The following PEX3 variants were observed in gnomAD, a reference collection of about 807,000 sequenced individuals.
PEX3 encodes peroxisomal biogenesis factor 3.
PEX3 carries 30 observed loss-of-function variants against 55.8 expected under a neutral mutation model. The observed-to-expected ratio is 0.54, with a 90% CI of 0.40 to 0.73. The LOEUF is 0.73. Ranked by LOEUF, PEX3 falls within the 30% of genes least tolerant of loss-of-function variation. The pLI is 0.00. For missense variants in PEX3, 351 were observed against 432.8 expected (o/e 0.81, Z 1.68); for synonymous variants, 135 against 148.4 (o/e 0.91, Z 0.66).
chr6:143,469,550 A>G (rs1400905940), intron 4 of PEX3, among the ~76,000 whole-genome samples: 1 of 152,068 alleles, frequency 6.6e-6, no homozygotes, highest in African/African-American at 2.4e-5. Context: ...AAATTTGTTT[A>G]AGTTCTTTGT....
chr6:143,466,869 G>A lies in PEX3; in HGVS notation c.288-1253G>A, dbSNP rs1027412411. On this transcript the variant is annotated intron_variant, in intron 3 of 11. Coordinates refer to ENST00000367591, the MANE Select transcript of PEX3 (RefSeq NM_003630.3). The surrounding 1 kb of genome is among the most constrained non-coding windows in gnomAD (Gnocchi z 5.4). ...ATGAAGAAGGGAGAAAATGAAGGGG[G>A]TTAGGAACAGACTTTTTTGAATATA... Among the ~76,000 whole-genome samples, 1 of 151,816 alleles carries A rather than the reference G, an allele frequency of 6.6e-6. No individual in the cohort carries two copies. Among genetic ancestry groups the A allele is most frequent in the African/African-American group, 2.4e-5 (1 of 41,366 alleles).
intron 2 of PEX3, among the ~76,000 whole-genome samples, chr6:143,461,346 T>G (rs1173883032): frequency 6.6e-6 from 1 of 152,146 alleles, no homozygotes. Context: ...CAGCAAAAGA[T>G]AGGGGTCACA....
chr6:143,460,589 G>T (rs1247109935), intron 2 of PEX3, among the ~76,000 whole-genome samples: 1 of 152,156 alleles, frequency 6.6e-6, no homozygotes, highest in Admixed American at 6.5e-5. Context: ...AATGGGCCAG[G>T]CATGGTGGCT....
chr6:143,474,883 A>G lies in PEX3; in HGVS notation c.818+27A>G, dbSNP rs780952115. 3 of 1,197,238 alleles carry G rather than the reference A, an allele frequency of 2.5e-6. No individual in the cohort carries two copies. The East Asian group carries it at 7.0e-5, about 28-fold the overall frequency. The allele number at this position is 1,197,238 out of a possible 1,614,324, so 74.2% of individuals were successfully genotyped here. ...TATGTATACTTCATGTAGCAGGAAA[A>G]ATATGTGTGTATGTTGAATGTACTT... On this transcript the variant is annotated intron_variant, in intron 9 of 11. Transcript: ENST00000367591.
chr6:143,472,066 CA>C, intron 7 of PEX3, 93 bp from the exon 8 acceptor site: 7 of 873,456 alleles, frequency 8.0e-6, no homozygotes, highest in Non-Finnish European at 1.1e-5. Flanking sequence ...GCAGAAGAAA[CA>C]GGATTTTAGA....
Position 143,450,851 on chromosome 6 carries a change from G to T in PEX3, c.-192G>T. On this transcript the variant is annotated 5_prime_UTR_variant, in exon 1 of 12. Coordinates refer to ENST00000367591, the MANE Select transcript of PEX3 (RefSeq NM_003630.3). ...GGCGGCAGCGGCAGAAAGCGTAGCT[G>T]CTTTGCTGTAGTCCACGCCCCCTTG... 1 of 763,226 alleles carries T rather than the reference G, an allele frequency of 1.3e-6. No homozygotes were observed. The highest frequency in any genetic ancestry group is 2.0e-5 in the Admixed American group (1 of 50,130). The allele number at this position is 763,226 out of a possible 1,614,324, so 47.3% of individuals were successfully genotyped here. A position where few individuals can be genotyped will look rare whatever the true frequency, so the allele number is the denominator to read the frequency against.
rs1780352596 is a variant in PEX3, at chr6:143,488,979, T to C, written c.1039-164T>C. Among the ~76,000 whole-genome samples, 1 of 152,124 alleles carries C rather than the reference T, an allele frequency of 6.6e-6. No homozygotes were observed. The highest frequency in any genetic ancestry group is 2.1e-4 in the South Asian group (1 of 4,836). On this transcript the variant is annotated intron_variant, in intron 11 of 11. Coordinates refer to ENST00000367591, the MANE Select transcript of PEX3 (RefSeq NM_003630.3). The surrounding 1 kb of genome is among the most constrained non-coding windows in gnomAD (Gnocchi z 4.9). Reference sequence around the variant, plus strand: ...CATATAAGAACCTAAATAATAACTATCTCCTAGAATTTATTACAAGAAAAA... The same window carrying C: ...CATATAAGAACCTAAATAATAACTACCTCCTAGAATTTATTACAAGAAAAA...
In PEX3 at chr6:143,485,058, A is replaced by C. The variant is rs891266935; in HGVS notation, c.942-94A>C. On this transcript the variant is annotated intron_variant, in intron 10 of 11. Coordinates refer to ENST00000367591, the MANE Select transcript of PEX3 (RefSeq NM_003630.3). The surrounding 1 kb of genome is among the most constrained non-coding windows in gnomAD (Gnocchi z 5.6). ...TCCTTTTTAATAGATTTCCAAAAAT[A>C]TTCTACAATGGCTATGTATTACTTT... The C allele has an allele frequency of 3.9e-6, 3 of 775,486 alleles. No individual in the cohort carries two copies. The East Asian group carries it at 7.4e-5, about 19-fold the overall frequency. 48.0% of individuals were successfully genotyped at this position (775,486 alleles called of 1,614,324 possible). A position where few individuals can be genotyped will look rare whatever the true frequency, so the allele number is the denominator to read the frequency against.
At position 143,475,238 on chromosome 6, in the gene PEX3, T is replaced by G. The variant is rs1043261606; in HGVS notation, c.818+382T>G. On this transcript the variant is annotated intron_variant, in intron 9 of 11. Transcript: ENST00000367591. This position sits in a 1 kb window ranked among gnomAD's most constrained non-coding sequence, Gnocchi z 4.4. Reference sequence around the variant, plus strand: ...ATCTTACTTGACCTTTCTCTGATATTTGACACTGCCTTTCTTGAAATTCTT... The same window carrying G: ...ATCTTACTTGACCTTTCTCTGATATGTGACACTGCCTTTCTTGAAATTCTT... Among the ~76,000 whole-genome samples the G allele has an allele frequency of 6.6e-6, 1 of 152,234 alleles. No individual in the cohort carries two copies. Among genetic ancestry groups the G allele is most frequent in the African/African-American group, 2.4e-5 (1 of 41,460 alleles).
At position 143,466,668 on chromosome 6, in the gene PEX3, C is replaced by T. The variant is rs951014963; in HGVS notation, c.288-1454C>T. On this transcript the variant is annotated intron_variant, in intron 3 of 11. Coordinates refer to ENST00000367591, the MANE Select transcript of PEX3 (RefSeq NM_003630.3). This position sits in a 1 kb window ranked among gnomAD's most constrained non-coding sequence, Gnocchi z 5.4. ...ATCCCCCAAGGATAAGAAGGGACTA[C>T]TGTAGTACTATGGAATGATTTCCAC... Among the ~76,000 whole-genome samples the T allele has an allele frequency of 2.0e-5, 3 of 151,852 alleles. No individual in the cohort carries two copies. Among genetic ancestry groups the T allele is most frequent in the African/African-American group, 7.3e-5 (3 of 41,352 alleles).
rs1780196943 is a variant in PEX3 at position 143,479,269 on chromosome 6, T to A, written c.941+71T>A. Reference sequence around the variant, plus strand: ...AATGGTGCTTTGCTTGTCTTTTTGTTCCAGATAACAACAACAAACCTATTA... The same window carrying A: ...AATGGTGCTTTGCTTGTCTTTTTGTACCAGATAACAACAACAAACCTATTA... On this transcript the variant is annotated intron_variant, in intron 10 of 11. Transcript: ENST00000367591. The surrounding 1 kb of genome is among the most constrained non-coding windows in gnomAD (Gnocchi z 4.6). The A allele has an allele frequency of 8.2e-7, 1 of 1,221,646 alleles. No homozygotes were observed. Among genetic ancestry groups the A allele is most frequent in the South Asian group, 1.2e-5 (1 of 81,896 alleles). 75.7% of individuals were successfully genotyped at this position (1,221,646 alleles called of 1,614,324 possible). A position where few individuals can be genotyped will look rare whatever the true frequency, so the allele number is the denominator to read the frequency against.
chr6:143,466,626 C>T lies in PEX3; in HGVS notation c.288-1496C>T, dbSNP rs998064167. ...ACTATCTTCAGTTTCAGGCATCTAC[C>T]GAGGGTCTTCAAACGTATCCCCCAA... On this transcript the variant is annotated intron_variant, in intron 3 of 11. Transcript: ENST00000367591. The surrounding 1 kb of genome is among the most constrained non-coding windows in gnomAD (Gnocchi z 5.4). Among the ~76,000 whole-genome samples the T allele has an allele frequency of 1.3e-5, 2 of 151,760 alleles. No homozygotes were observed. Among genetic ancestry groups the T allele is most frequent in the Non-Finnish European group, 2.9e-5 (2 of 67,848 alleles).
Position 143,483,215 on chromosome 6 carries a change from C to T in PEX3, c.942-1937C>T, listed in dbSNP as rs377265151. ...TTGTTAATCTAAGATTTATTGAACA[C>T]GTGTTATGAATCAGGCACTGTATTA... On this transcript the variant is annotated intron_variant, in intron 10 of 11. Coordinates refer to ENST00000367591, the MANE Select transcript of PEX3 (RefSeq NM_003630.3). This position sits in a 1 kb window ranked among gnomAD's most constrained non-coding sequence, Gnocchi z 4.3. Among the ~76,000 whole-genome samples, 36 of 152,070 alleles carry T rather than the reference C, an allele frequency of 2.4e-4. No individual in the cohort carries two copies. The highest frequency in any genetic ancestry group is 3.3e-4 in the Admixed American group (5 of 15,258).
At position 143,466,611 on chromosome 6, in the gene PEX3, G is replaced by C. The variant is rs1317077958; in HGVS notation, c.288-1511G>C. ...TATGTAGGGGTTGGTACTATCTTCA[G>C]TTTCAGGCATCTACCGAGGGTCTTC... On this transcript the variant is annotated intron_variant, in intron 3 of 11. Coordinates refer to ENST00000367591, the MANE Select transcript of PEX3 (RefSeq NM_003630.3). The surrounding 1 kb of genome is among the most constrained non-coding windows in gnomAD (Gnocchi z 5.4). Among the ~76,000 whole-genome samples, 6 of 151,984 alleles carry C rather than the reference G, an allele frequency of 3.9e-5. No homozygotes were observed. The highest frequency in any genetic ancestry group is 7.4e-5 in the Non-Finnish European group (5 of 67,920).
In PEX3 at chr6:143,453,447, C is replaced by T. The variant is rs978965979; in HGVS notation, c.73+2332C>T. ...TGGGTGGGTAACTAATTGGTTTACG[C>T]GTTTGTATAATTTGACCAGTTTGGG... On this transcript the variant is annotated intron_variant, in intron 1 of 11. Transcript: ENST00000367591. The surrounding 1 kb of genome is among the most constrained non-coding windows in gnomAD (Gnocchi z 4.6). 5.3e-5 allele frequency among the ~76,000 whole-genome samples: 8 copies of T among 152,092 alleles called. No individual in the cohort carries two copies. The highest frequency in any genetic ancestry group is 7.4e-5 in the Non-Finnish European group (5 of 67,990).
intron 4 of PEX3, among the ~76,000 whole-genome samples, chr6:143,469,974 G>A (rs1048924322): frequency 3.9e-5 from 6 of 152,046 alleles, no homozygotes; most frequent in African/African-American, 1.4e-4. Context: ...GAGGGGAGAT[G>A]GAGTCTTGCT....
chr6:143,481,197 A>G (rs1780236860), intron 10 of PEX3, among the ~76,000 whole-genome samples: 1 of 149,284 alleles, frequency 6.7e-6, no homozygotes, highest in African/African-American at 2.4e-5. Context: ...TATATGTATT[A>G]ATGTATTATA....
intron 10 of PEX3, among the ~76,000 whole-genome samples, chr6:143,481,466 C>T (rs1780240674): frequency 6.6e-6 from 1 of 151,732 alleles, no homozygotes; most frequent in Admixed American, 6.6e-5. Context: ...AGTGGTAAAG[C>T]CAGTTGTTCA....
In PEX3 at chr6:143,490,088, A is replaced by C. The variant is rs1780366821; in HGVS notation, c.*862A>C. ...TTTTTGTTATTATTTCGGAAGAGAGAGCATGCTAGTTTAAGTTTCATTTTA... is the reference window on the plus strand; with the variant it reads ...TTTTTGTTATTATTTCGGAAGAGAGCGCATGCTAGTTTAAGTTTCATTTTA... On this transcript the variant is annotated 3_prime_UTR_variant, in exon 12 of 12. Coordinates refer to ENST00000367591, the MANE Select transcript of PEX3 (RefSeq NM_003630.3). This position sits in a 1 kb window ranked among gnomAD's most constrained non-coding sequence, Gnocchi z 6.0. The C allele has an allele frequency of 6.6e-6, 1 of 152,100 alleles. No homozygotes were observed. The highest frequency in any genetic ancestry group is 2.1e-4 in the South Asian group (1 of 4,802). 9.4% of individuals were successfully genotyped at this position (152,100 alleles called of 1,614,324 possible).
Sources: gnomAD v4.1 joint callset for allele counts (sites outside exome capture counted in the v4.1 genomes callset) on GRCh38, gnomAD v4.1.1 for gene constraint, Gnocchi (gnomAD v3.1) non-coding constraint, MANE v1.5 for transcripts, NCBI Gene and HGNC (gene_info 2026-07-23, HGNC 2026-07-21) for gene names.